Variants in LRRD1 observed in about 807,000 individuals in gnomAD.
The protein encoded by LRRD1 is leucine-rich repeat and death domain-containing protein 1.
In LRRD1, 49 loss-of-function variants were observed where a neutral mutation model predicts 69.5. The ratio of observed to expected loss-of-function variants is 0.70; its 90% confidence interval spans 0.56 to 0.89. The LOEUF (loss-of-function observed/expected upper bound fraction) is 0.89. Ranked by LOEUF, LRRD1 falls within the 40% of genes least tolerant of loss-of-function variation. The probability of loss-of-function intolerance (pLI) is 0.00; values close to 1 mark genes in which losing one functional copy is unlikely to be tolerated. For synonymous variants in LRRD1, 303 were observed against 338.9 expected (o/e 0.89, Z 1.16); for missense variants, 853 against 956.0 (o/e 0.89, Z 1.42).
chr7:92,160,013 G>A (rs530689939), intron 2 of LRRD1, among the ~76,000 whole-genome samples: 109 of 152,104 alleles, frequency 7.2e-4, no homozygotes, highest in Non-Finnish European at 1.3e-3. Context: ...GTGTTTCCAA[G>A]CACAAAATGC....
chr7:92,157,147 A>G (rs1788677655), intron 3 of LRRD1, among the ~76,000 whole-genome samples: 1 of 147,774 alleles, frequency 6.8e-6, no homozygotes, highest in East Asian at 2.0e-4. Context: ...CCTCCTGCCT[A>G]TGTCTCCCAA....
At chr7:92,142,920 C>T, downstream of LRRD1, 1 of 320,978 alleles carries the variant, frequency 3.1e-6, no homozygotes, top group Non-Finnish European at 6.1e-6. Context: ...AAGAACAATG[C>T]TTCCGCAGTG....
intron 1 of LRRD1, among the ~76,000 whole-genome samples, chr7:92,175,604 A>C (rs1324057774): frequency 6.6e-6 from 1 of 152,156 alleles, no homozygotes; most frequent in African/African-American, 2.4e-5. Context: ...AGCAGAAATC[A>C]CGCCATTGTA....
chr7:92,149,954 T>A (rs1010121122), intron 4 of LRRD1: 1 of 456,108 alleles, frequency 2.2e-6, no homozygotes. Context: ...AAACACCTAT[T>A]GAAGGGCATT....
intron 2 of LRRD1, 74 bp downstream of exon 2, chr7:92,163,212 G>T: frequency 1.0e-6 from 1 of 999,222 alleles, no homozygotes; most frequent in Non-Finnish European, 1.4e-6. Context: ...GGTACCCACA[G>T]ATACACCACA....
chr7:92,163,815 C>T lies in LRRD1; in HGVS notation c.1388G>A (p.Cys463Tyr), dbSNP rs1389696930. ...CAATTCAATTTTAATTATTTTTTGG[C>T]AGTTTTTTATTTCAATGGGAACATC... is the stretch of plus-strand genomic sequence containing the variant. ...ITDVPIEIKN[C>Y]QKIIKIELSY... The change falls in exon 2 of 6, where the codon TGC (cysteine) becomes TAC (tyrosine). Residue 463 changes from cysteine (C) to tyrosine (Y), a missense_variant. This residue lies in a region of LRRD1 where 739 missense variants were observed against 808.0 expected (regional missense o/e 0.91). Coordinates refer to ENST00000458448, the MANE Select transcript of LRRD1 (RefSeq NM_001161528.2). 3.3e-6 allele frequency: 5 copies of T among 1,497,438 alleles called. No homozygotes were observed. The South Asian group carries it at 6.8e-5, about 20-fold the overall frequency. 92.8% of individuals were successfully genotyped at this position (1,497,438 alleles called of 1,614,324 possible).
chr7:92,149,440 G>A (rs1820411477), intron 4 of LRRD1, among the ~76,000 whole-genome samples: 1 of 152,180 alleles, frequency 6.6e-6, no homozygotes, highest in South Asian at 2.1e-4. Flanking sequence ...CAGAGTCCTA[G>A]GGAAAAGCCT....
chr7:92,143,303 C>G (rs2130972562), downstream of LRRD1, among the ~76,000 whole-genome samples: 1 of 152,310 alleles, frequency 6.6e-6, no homozygotes, highest in South Asian at 2.1e-4. Flanking sequence ...GCTGACTTCA[C>G]CCGGTGGATC....
intron 3 of LRRD1, among the ~76,000 whole-genome samples, chr7:92,152,462 T>A (rs939884927): frequency 6.6e-6 from 1 of 152,042 alleles, no homozygotes; most frequent in African/African-American, 2.4e-5. Context: ...TTGTACTCAG[T>A]TTTTTGTTGA....
downstream of LRRD1, among the ~76,000 whole-genome samples, chr7:92,143,874 C>T (rs1369361838): frequency 6.6e-6 from 1 of 152,222 alleles, no homozygotes; most frequent in African/African-American, 2.4e-5. Context: ...ACTGCCAGCA[C>T]GCTGTCACCT....
intron 1 of LRRD1, among the ~76,000 whole-genome samples, chr7:92,170,921 G>C (rs751691715): frequency 6.6e-6 from 1 of 152,078 alleles, no homozygotes; most frequent in Non-Finnish European, 1.5e-5. Flanking sequence ...CATACACATG[G>C]AAATTAAACA....
In LRRD1 at chr7:92,146,121, T is replaced by TA; in HGVS notation, c.2357dup (p.Asn787LysfsTer8). 6.5e-7 allele frequency: 1 copy of TA among 1,542,584 alleles called. No individual in the cohort carries two copies. Among genetic ancestry groups the TA allele is most frequent in the Non-Finnish European group, 8.7e-7 (1 of 1,143,800 alleles). On this transcript the variant is annotated frameshift_variant, in exon 5 of 6. Transcript: ENST00000458448. LOFTEE classifies it high-confidence loss of function. ...TATCAGTTTCTGAGTTTGCCAGGTTTAGTTTTTGACATAAAAATTCAAAAT... is the reference window on the plus strand; with the variant it reads ...TATCAGTTTCTGAGTTTGCCAGGTTTAAGTTTTTGACATAAAAATTCAAAAT...
At chr7:92,175,170 T>C (rs1789165248) in intron 1 of LRRD1, among the ~76,000 whole-genome samples, 1 of 152,236 alleles carries the variant, frequency 6.6e-6, no homozygotes, top group Admixed American at 6.5e-5. Context: ...CTTATCTGTT[T>C]TTACTATGGC....
intron 1 of LRRD1, among the ~76,000 whole-genome samples, chr7:92,167,612 TCACGCCTGTAATCC>T (rs1305556964): frequency 2.6e-5 from 4 of 151,554 alleles, no homozygotes; most frequent in African/African-American, 9.7e-5. Context: ...GCGCGGTGGC[TCACGCCTGTAATCC>T]CAGCACTTTG....
intron 3 of LRRD1, among the ~76,000 whole-genome samples, chr7:92,158,356 A>C (rs894194841): frequency 9.2e-5 from 14 of 151,920 alleles, no homozygotes; most frequent in Admixed American, 6.6e-5. Context: ...ACCCTGTCTC[A>C]AAATAAATAA....
chr7:92,170,133 G>A (rs1789018785), intron 1 of LRRD1, among the ~76,000 whole-genome samples: 1 of 149,886 alleles, frequency 6.7e-6, no homozygotes, highest in Non-Finnish European at 1.5e-5. Context: ...AGGAAGGGAG[G>A]AAGGAAGGAC....
intron 3 of LRRD1, among the ~76,000 whole-genome samples, chr7:92,156,456 T>C (rs1200007270): frequency 1.3e-5 from 2 of 152,254 alleles, no homozygotes; most frequent in Non-Finnish European, 2.9e-5. Flanking sequence ...TATATCTCTC[T>C]ACTTATTTAG....
In LRRD1 at chr7:92,164,007, C is replaced by A; in HGVS notation, c.1196G>T (p.Cys399Phe). The part of the protein sequence containing the change: ...EKISCCAMLE[C>F]LSLSDNKLTE... ...TAATTTATTATCACTAAGACTAAGG[C>A]ATTCCAACATTGCACAGCAAGATAT... Residue 399 changes from cysteine (C) to phenylalanine (F), a missense_variant, in exon 2 of 6, where the codon TGC becomes TTC. Physicochemically the swap from Cys to Phe is radical, Grantham distance 205. Around this residue, in one of 3 missense-constraint regions of LRRD1, gnomAD observed 739 missense variants for 808.0 expected, o/e 0.91. Transcript: ENST00000458448. 6.5e-7 allele frequency: 1 copy of A among 1,537,032 alleles called. No homozygotes were observed. The highest frequency in any genetic ancestry group is 8.8e-7 in the Non-Finnish European group (1 of 1,141,044).
Position 92,174,503 on chromosome 7 carries a change from A to ATG in LRRD1, c.-75+4503_-75+4504insCA, listed in dbSNP as rs1190934761. Reference sequence around the variant, plus strand: ...TATATATATATATATATATATATATATATATATTTTTTTTTTTTTTTTTTT... The same window carrying ATG: ...TATATATATATATATATATATATATATGTATATATTTTTTTTTTTTTTTTTTT... On this transcript the variant is annotated intron_variant, in intron 1 of 5. Transcript: ENST00000458448. 4.9e-3 allele frequency among the ~76,000 whole-genome samples: 99 copies of ATG among 20,114 alleles called. 3 individuals are homozygous for ATG. The highest frequency in any genetic ancestry group is 6.5e-3 in the Non-Finnish European group (69 of 10,640). 13.2% of individuals were successfully genotyped at this position (20,114 alleles called of 152,430 possible).
Sources: gnomAD v4.1 joint callset for allele counts (sites outside exome capture counted in the v4.1 genomes callset) on GRCh38, gnomAD v4.1.1 for gene constraint, gnomAD v4.1.1 regional missense constraint, MANE v1.5 for transcripts, NCBI Gene and HGNC (gene_info 2026-07-23, HGNC 2026-07-21) for gene names.